Variants in CPAP observed in about 807,000 individuals in gnomAD.
CPAP encodes centrosomal P4.1-associated protein.
chr13:24,918,927 G>C, the CPAP span, among the ~76,000 whole-genome samples: 1 of 151,952 alleles, frequency 6.6e-6, no homozygotes, highest in South Asian at 2.1e-4. Context: ...TTAGTCACCT[G>C]TGTCAGAACT....
At chr13:24,893,709 T>C in the CPAP span, among the ~76,000 whole-genome samples, 8 of 152,238 alleles carry the variant, frequency 5.3e-5, no homozygotes, top group Admixed American at 1.3e-4. Flanking sequence ...TTATGACCAA[T>C]AAAAGAAAAA....
the CPAP span, chr13:24,910,102 T>A: frequency 2.0e-4 from 328 of 1,609,278 alleles, 1 homozygote; most frequent in Non-Finnish European, 2.7e-4. Context: ...AATTAAGAAA[T>A]GCAACAAAGC....
the CPAP span, chr13:24,883,972 C>G: frequency 1.2e-6 from 2 of 1,614,138 alleles, no homozygotes; most frequent in East Asian, 4.5e-5. Flanking sequence ...CCGTTGTACT[C>G]TGACAATTGT....
chr13:24,883,012 G>A, the CPAP span: 1 of 638,314 alleles, frequency 1.6e-6, no homozygotes, highest in Non-Finnish European at 2.8e-6. Flanking sequence ...AGCTATCATT[G>A]CATTTCAAAG....
At chr13:24,906,994 G>T in the CPAP span, 2 of 1,602,074 alleles carry the variant, frequency 1.2e-6, no homozygotes, top group South Asian at 1.1e-5. Flanking sequence ...AATTAATTTT[G>T]GTATATCCAA....
At chr13:24,905,692 T>A in the CPAP span, 1 of 1,614,204 alleles carries the variant, frequency 6.2e-7, no homozygotes, top group East Asian at 2.2e-5. Context: ...GGGATGAGGA[T>A]CTCGAGGGCT....
the CPAP span, among the ~76,000 whole-genome samples, chr13:24,892,415 A>G: frequency 6.6e-6 from 1 of 152,152 alleles, no homozygotes; most frequent in Admixed American, 6.5e-5. Context: ...TTAGGTGCAC[A>G]CTTCAGTGGC....
At chr13:24,906,775 C>G in the CPAP span, 252 of 1,614,168 alleles carry the variant, frequency 1.6e-4, no homozygotes, top group Admixed American at 3.7e-4. Flanking sequence ...CGGTTTTCCG[C>G]TGGAGTTGCT....
the CPAP span, chr13:24,884,207 T>C: frequency 3.1e-6 from 5 of 1,614,198 alleles, no homozygotes; most frequent in Non-Finnish European, 4.2e-6. Context: ...CCTCCGGGTA[T>C]GTCGTGTGAG....
chr13:24,886,338 G>A, the CPAP span: 3 of 1,289,174 alleles, frequency 2.3e-6, no homozygotes, highest in South Asian at 1.2e-5. Context: ...AGCGGAGGCA[G>A]GTGGTCAGCC....
the CPAP span, chr13:24,884,066 C>T: frequency 6.2e-7 from 1 of 1,612,310 alleles, no homozygotes; most frequent in East Asian, 2.2e-5. Context: ...TCTTTTCTTC[C>T]ATCTGGGTAA....
At chr13:24,904,527 T>A in the CPAP span, among the ~76,000 whole-genome samples, 1 of 152,198 alleles carries the variant, frequency 6.6e-6, no homozygotes, top group African/African-American at 2.4e-5. Flanking sequence ...TTTTATCAAT[T>A]AGTACTTTTT....
At chr13:24,891,412 T>C in the CPAP span, among the ~76,000 whole-genome samples, 5 of 152,290 alleles carry the variant, frequency 3.3e-5, no homozygotes, top group East Asian at 9.7e-4. Context: ...GTGTGTCTCG[T>C]AGGCATTTCA....
chr13:24,889,341 G>GT, the CPAP span: 1 of 1,611,452 alleles, frequency 6.2e-7, no homozygotes, highest in Admixed American at 1.7e-5. Flanking sequence ...AATTTTTCTT[G>GT]TATTTTTCTA....
At chr13:24,930,283 T>C in the CPAP span, among the ~76,000 whole-genome samples, 1 of 152,154 alleles carries the variant, frequency 6.6e-6, no homozygotes, top group African/African-American at 2.4e-5. Context: ...TTATAATTTC[T>C]ATCTATTAAT....
the CPAP span, among the ~76,000 whole-genome samples, chr13:24,920,516 T>C: frequency 6.6e-6 from 1 of 152,180 alleles, no homozygotes. Context: ...TGTATCACAC[T>C]TTGAGAACCA....
the CPAP span, among the ~76,000 whole-genome samples, chr13:24,913,908 C>T: frequency 1.1e-3 from 174 of 152,288 alleles, 2 homozygotes; most frequent in Non-Finnish European, 5.9e-4. Flanking sequence ...CAGGACATAA[C>T]AGAGAAGATA....
chr13:24,886,184 T>A, the CPAP span: 1 of 574,424 alleles, frequency 1.7e-6, no homozygotes, highest in Non-Finnish European at 3.0e-6. Context: ...TACACTGAAG[T>A]GCCAGTATTT....
chr13:24,883,534 G>A, the CPAP span, among the ~76,000 whole-genome samples: 2 of 152,102 alleles, frequency 1.3e-5, no homozygotes, highest in Non-Finnish European at 2.9e-5. Flanking sequence ...CTGCTTCATG[G>A]TGATAGTTCC....
Sources: allele counts gnomAD v4.1 joint callset (sites outside exome capture counted in the v4.1 genomes callset), GRCh38; gene constraint gnomAD v4.1.1; transcripts MANE v1.5; gene names NCBI Gene and HGNC (gene_info 2026-07-23, HGNC 2026-07-21).